METTL2B: variants seen among roughly 807,000 people sequenced by gnomAD.
METTL2B encodes the protein tRNA N(3)-cytidine methyltransferase METTL2B.
Under a neutral mutation model 51.0 loss-of-function variants are expected in METTL2B, and 28 were observed. That is an observed-to-expected ratio of 0.55 (90% confidence interval 0.41 to 0.75). METTL2B has a LOEUF of 0.75. Among genes scored for constraint, METTL2B ranks in the 30% least tolerant of loss-of-function variants. METTL2B has a pLI of 0.00. For synonymous variants in METTL2B, 128 were observed against 166.3 expected (o/e 0.77, Z 1.77); for missense variants, 313 against 460.7 (o/e 0.68, Z 2.93).
At chr7:128,484,217 C>CTTTTTTTTTTTTGTTTTGTT (rs1428525341) in intron 4 of METTL2B, 4 of 42,412 alleles carry the variant, frequency 9.4e-5, no homozygotes, top group African/African-American at 3.0e-4. Context: ...TGCCTAGATC[C>CTTTTTTTTTTTTGTTTTGTT]TTTTTTTTTT....
intron 4 of METTL2B, among the ~76,000 whole-genome samples, chr7:128,481,561 G>A (rs1409086416): frequency 9.2e-5 from 14 of 152,204 alleles, no homozygotes; most frequent in Admixed American, 2.0e-4. Flanking sequence ...AGGATCTCAC[G>A]CTCAGGAGCT....
chr7:128,484,344 C>T (rs372902150), intron 4 of METTL2B, among the ~76,000 whole-genome samples: 46 of 150,586 alleles, frequency 3.1e-4, no homozygotes, highest in East Asian at 1.2e-3. Flanking sequence ...CCCACCTCAG[C>T]CTCCCAAGTA....
At chr7:128,481,043 C>T (rs1445534916) in intron 4 of METTL2B, among the ~76,000 whole-genome samples, 3 of 152,190 alleles carry the variant, frequency 2.0e-5, no homozygotes, top group Non-Finnish European at 4.4e-5. Flanking sequence ...TCTTCTTCTT[C>T]TAAGGAACAA....
intron 7 of METTL2B, among the ~76,000 whole-genome samples, chr7:128,499,651 C>G (rs531807355): frequency 0.21 from 28,638 of 138,016 alleles, 3,881 homozygotes; most frequent in East Asian, 0.44. Flanking sequence ...CCCGAGTAGC[C>G]GAGACTACAG....
rs1799863372 is a variant in METTL2B at position 128,480,766 on chromosome 7, A to T, written c.608+70A>T. On this transcript the variant is annotated intron_variant, in intron 4 of 8. Transcript: ENST00000262432. ...GAAGGTTGGCTGGGCGCATTGCTTC[A>T]CGACAGTAATCCCAGCACTTTGGGA... 13 of 1,447,342 alleles carry T rather than the reference A, an allele frequency of 9.0e-6. No homozygotes were observed. In the South Asian group the frequency reaches 1.7e-4, roughly 19 times the overall value. The allele number at this position is 1,447,342 out of a possible 1,614,324, so 89.7% of individuals were successfully genotyped here. A position where few individuals can be genotyped will look rare whatever the true frequency, so the allele number is the denominator to read the frequency against.
chr7:128,504,485 T>A lies in METTL2B; in HGVS notation c.*2569T>A, dbSNP rs1376492201. ...CTCCTGCCTCAGCCTCCCAAGTAGC[T>A]GGAATTACAGGCATGCAGCACCATT... is the stretch of plus-strand genomic sequence containing the variant. On this transcript the variant is annotated 3_prime_UTR_variant, in exon 9 of 9. Transcript: ENST00000262432. The A allele has an allele frequency of 2.0e-5, 3 of 151,666 alleles. No homozygotes were observed. The highest frequency in any genetic ancestry group is 7.3e-5 in the African/African-American group (3 of 41,312). The allele number at this position is 151,666 out of a possible 1,614,324, so 9.4% of individuals were successfully genotyped here.
intron 4 of METTL2B, 56 bp downstream of exon 4, chr7:128,480,752 G>A (rs1799863183): frequency 6.6e-7 from 1 of 1,525,844 alleles, no homozygotes; most frequent in Admixed American, 1.9e-5. Context: ...AAGGTTGGCT[G>A]GGCGCATTGC....
intron 3 of METTL2B, among the ~76,000 whole-genome samples, chr7:128,479,730 G>T (rs189309498): frequency 6.6e-6 from 1 of 152,316 alleles, no homozygotes; most frequent in Admixed American, 6.5e-5. Flanking sequence ...AAGATCACAC[G>T]GGAATAGCAT....
chr7:128,492,806 CG>C (rs1792859138), intron 5 of METTL2B, among the ~76,000 whole-genome samples: 1 of 151,676 alleles, frequency 6.6e-6, no homozygotes, highest in South Asian at 2.1e-4. Flanking sequence ...TTAGTGGAGA[CG>C]GGGTTTCACC....
chr7:128,488,737 C>A (rs915998505), intron 5 of METTL2B: 1 of 300,722 alleles, frequency 3.3e-6, no homozygotes, highest in East Asian at 7.7e-5. Context: ...CCACGTTGCC[C>A]AGGCTGGTCT....
At chr7:128,490,442 G>T (rs1792808356) in intron 5 of METTL2B, among the ~76,000 whole-genome samples, 2 of 151,448 alleles carry the variant, frequency 1.3e-5, no homozygotes, top group African/African-American at 4.8e-5. Context: ...CTGATGAGAT[G>T]ATTCCATTGG....
rs748378034 is a variant in METTL2B at position 128,479,150 on chromosome 7, A to G, written c.203-8A>G. 2 of 1,590,334 alleles carry G rather than the reference A, an allele frequency of 1.3e-6. No homozygotes were observed. The highest frequency in any genetic ancestry group is 1.7e-6 in the Non-Finnish European group (2 of 1,167,648). ...TGGTTCTTAAAATTTTTTCTTAAATATTTACAGTTGATTATGAGATCAATG... is the reference window on the plus strand; with the variant it reads ...TGGTTCTTAAAATTTTTTCTTAAATGTTTACAGTTGATTATGAGATCAATG... On this transcript the variant is annotated splice_polypyrimidine_tract_variant and splice_region_variant and intron_variant, in intron 2 of 8. Transcript: ENST00000262432.
chr7:128,500,262 A>G (rs1793004788), intron 7 of METTL2B, among the ~76,000 whole-genome samples: 1 of 152,214 alleles, frequency 6.6e-6, no homozygotes, highest in Non-Finnish European at 1.5e-5. Context: ...TGCAAAGGAC[A>G]GTCACCACCA....
At chr7:128,496,760 C>CTTTGTTTGTTTGTTTG (rs68069472) in intron 6 of METTL2B, among the ~76,000 whole-genome samples, 3 of 149,086 alleles carry the variant, frequency 2.0e-5, no homozygotes, top group African/African-American at 7.4e-5. Flanking sequence ...GCTGCTTTTT[C>CTTTGTTTGTTTGTTTG]TTTGTTTGTT....
Position 128,500,928 on chromosome 7 carries a change from T to C in METTL2B, c.942T>C (p.Tyr314=), listed in dbSNP as rs1132651. 638,317 of 1,612,724 alleles carry C rather than the reference T, an allele frequency of 0.4. 127,862 individuals are homozygous for C. Among genetic ancestry groups the C allele is most frequent in the Middle Eastern group, 0.49 (2,986 of 6,060 alleles). Residue 314 remains tyrosine (Y), a synonymous_variant, in exon 8 of 9, where the codon TAT becomes TAC. Coordinates refer to ENST00000262432, the MANE Select transcript of METTL2B (RefSeq NM_018396.3). ...GTCAGTGTCTATCTGGAAATTTCTA[T>C]GTGAGAGGTGATGGAACCAGAGTTT... ...KKGQCLSGNF[Y]VRGDGTRVYF...
rs572771009 is a variant in METTL2B, at chr7:128,492,161, T to A, written c.670-1643T>A. On this transcript the variant is annotated intron_variant, in intron 5 of 8. Transcript: ENST00000262432. ...GCACATGCCACCACACCTGGCTAATTTTTTTTTTTTTTTGAGATGGAGTCT... is the reference window on the plus strand; with the variant it reads ...GCACATGCCACCACACCTGGCTAATATTTTTTTTTTTTTGAGATGGAGTCT... Among the ~76,000 whole-genome samples, 31 of 143,748 alleles carry A rather than the reference T, an allele frequency of 2.2e-4. 1 individual carries two copies. In the South Asian group the frequency reaches 4.7e-3, roughly 22 times the overall value. The allele number at this position is 143,748 out of a possible 152,430, so 94.3% of individuals were successfully genotyped here.
rs376529256 is a variant in METTL2B at position 128,498,110 on chromosome 7, G to A, written c.884G>A (p.Arg295His). Residue 295 changes from arginine (R) to histidine (H), a missense_variant, in exon 7 of 9, where the codon CGC becomes CAC. This residue lies in a region of METTL2B where 138 missense variants were observed against 187.6 expected (regional missense o/e 0.74). Coordinates refer to ENST00000262432, the MANE Select transcript of METTL2B (RefSeq NM_018396.3). Reference protein sequence around the residue: ...GGMVLLRDYGRYDMAQLRFKK... With the variant: ...GGMVLLRDYGHYDMAQLRFKK... ...ATGGTACTTCTGCGAGATTACGGCC[G>A]CTATGACATGGCTCAGCTTCGGTTT... 1.7e-5 allele frequency: 28 copies of A among 1,613,738 alleles called. No individual in the cohort carries two copies. Among genetic ancestry groups the A allele is most frequent in the South Asian group, 3.3e-5 (3 of 91,082 alleles).
In METTL2B at chr7:128,502,055, A is replaced by G. The variant is rs892359021; in HGVS notation, c.*139A>G. ...GAGGCAGGGAGGATCCATTGAGCCCAGGAGTCCAGCCTGGGCAAAATAGCG... is the reference window on the plus strand; with the variant it reads ...GAGGCAGGGAGGATCCATTGAGCCCGGGAGTCCAGCCTGGGCAAAATAGCG... On this transcript the variant is annotated 3_prime_UTR_variant, in exon 9 of 9. Coordinates refer to ENST00000262432, the MANE Select transcript of METTL2B (RefSeq NM_018396.3). 13 of 1,291,438 alleles carry G rather than the reference A, an allele frequency of 1.0e-5. No individual in the cohort carries two copies. The highest frequency in any genetic ancestry group is 1.4e-5 in the Non-Finnish European group (13 of 943,278). 80.0% of individuals were successfully genotyped at this position (1,291,438 alleles called of 1,614,324 possible).
At chr7:128,489,847 C>G (rs1307451594) in intron 5 of METTL2B, among the ~76,000 whole-genome samples, 1 of 151,720 alleles carries the variant, frequency 6.6e-6, no homozygotes, top group Non-Finnish European at 1.5e-5. Context: ...CTGGGATGGT[C>G]TCGATCTCCT....
Sources: allele counts gnomAD v4.1 joint callset (sites outside exome capture counted in the v4.1 genomes callset), GRCh38; gene constraint gnomAD v4.1.1; regional missense constraint gnomAD v4.1.1; transcripts MANE v1.5; gene names NCBI Gene and HGNC (gene_info 2026-07-23, HGNC 2026-07-21).